PALM: variants seen among roughly 807,000 people sequenced by gnomAD.
PALM encodes paralemmin-1.
In PALM, 18 loss-of-function variants were observed where a neutral mutation model predicts 30.7. That is an observed-to-expected ratio of 0.59 (90% CI 0.41 to 0.87). The LOEUF (loss-of-function observed/expected upper bound fraction) is 0.87. PALM is among the 40% of genes least tolerant of loss of function. PALM has a pLI of 0.00. For synonymous variants in PALM, 286 were observed against 242.8 expected, an observed-to-expected ratio of 1.18 and a Z score of -1.66; for missense variants, 529 against 555.4, an observed-to-expected ratio of 0.95 and a Z score of 0.48.
intron 8 of PALM, among the ~76,000 whole-genome samples, chr19:744,325 G>A (rs1017064460): frequency 2.1e-4 from 32 of 151,278 alleles, no homozygotes; most frequent in Non-Finnish European, 3.1e-4. Flanking sequence ...GCGTGAACCC[G>A]GGAAGCAGAG....
chr19:734,360 G>T, intron 6 of PALM, 166 bp downstream of exon 6: 2 of 620,950 alleles, frequency 3.2e-6, no homozygotes, highest in Middle Eastern at 3.1e-4. Flanking sequence ...AGGAGTTCGA[G>T]ACCAGCCTGA....
intron 1 of PALM, among the ~76,000 whole-genome samples, chr19:711,759 AAT>A (rs2032087462): frequency 6.6e-6 from 1 of 152,154 alleles, no homozygotes; most frequent in Admixed American, 6.6e-5. Context: ...GAAGGCAAGG[AAT>A]AGACAGATAC....
At chr19:734,520 A>C (rs113161914) in intron 6 of PALM, 4,029 of 350,578 alleles carry the variant, frequency 0.011, 152 homozygotes, top group African/African-American at 0.078. Context: ...GCTGGGCAAC[A>C]CAGGGAGACC....
chr19:720,298 C>T (rs1295675856), intron 1 of PALM, among the ~76,000 whole-genome samples: 1 of 151,100 alleles, frequency 6.6e-6, no homozygotes, highest in Non-Finnish European at 1.5e-5. Context: ...ATCACCGGGG[C>T]GGCGGCGCCC....
At chr19:711,541 T>C (rs2144838821) in intron 1 of PALM, among the ~76,000 whole-genome samples, 1 of 152,326 alleles carries the variant, frequency 6.6e-6, no homozygotes, top group South Asian at 2.1e-4. Flanking sequence ...TAATCCCCCT[T>C]TTTAATGAGA....
At chr19:718,929 A>C (rs1225798397) in intron 1 of PALM, 1 of 159,172 alleles carries the variant, frequency 6.3e-6, no homozygotes, top group Non-Finnish European at 1.3e-5. Context: ...ACAGGCTCTG[A>C]GGACCGAGGA....
intron 1 of PALM, among the ~76,000 whole-genome samples, chr19:716,579 C>G (rs573645752): frequency 6.6e-6 from 1 of 152,054 alleles, no homozygotes; most frequent in East Asian, 1.9e-4. Flanking sequence ...CCCTGAAGGC[C>G]GGGGAGGGAC....
Position 740,502 on chromosome 19 carries a change from C to T in PALM, c.634+19C>T. ...ACCAAAGGTACGAGCACCCCGGCCC[C>T]TGCCCTCCCTCCACCTGGGCCAGAG... On this transcript the variant is annotated intron_variant, in intron 8 of 8. Transcript: ENST00000338448. 1 of 1,544,278 alleles carries T rather than the reference C, an allele frequency of 6.5e-7. No individual in the cohort carries two copies. Among genetic ancestry groups the T allele is most frequent in the Non-Finnish European group, 8.8e-7 (1 of 1,142,458 alleles).
intron 7 of PALM, among the ~76,000 whole-genome samples, chr19:736,706 G>C (rs760971769): frequency 1.3e-5 from 2 of 152,196 alleles, no homozygotes; most frequent in African/African-American, 4.8e-5. Flanking sequence ...ATGAGAAATC[G>C]TCGCAGTGGG....
intron 1 of PALM, among the ~76,000 whole-genome samples, chr19:721,316 A>G (rs1599142247): frequency 6.6e-6 from 1 of 152,140 alleles, no homozygotes; most frequent in Non-Finnish European, 1.5e-5. Flanking sequence ...CCCAGGCTAG[A>G]GTGCGGTGGC....
At chr19:737,456 G>A (rs1455824166) in intron 7 of PALM, among the ~76,000 whole-genome samples, 2 of 152,218 alleles carry the variant, frequency 1.3e-5, no homozygotes, top group Non-Finnish European at 2.9e-5. Flanking sequence ...GCCAGGCATT[G>A]GGGGAGAGGG....
At position 740,431 on chromosome 19, in the gene PALM, C is replaced by T; in HGVS notation, c.582C>T (p.Leu194=). The T allele has an allele frequency of 6.4e-7, 1 of 1,553,024 alleles. No individual in the cohort carries two copies. The highest frequency in any genetic ancestry group is 8.7e-7 in the Non-Finnish European group (1 of 1,147,966). Residue 194 remains leucine, a synonymous_variant, in exon 8 of 9, where the codon CTC becomes CTT. Transcript: ENST00000338448. The stretch of plus-strand genomic sequence containing the variant: ...GGGTGCTGTCCAGCACCACGCTGCT[C>T]CCTCGGCAGCCGCTCCCTCTGGGCA... ...ETRVLSSTTL[L]PRQPLPLGIK...
intron 7 of PALM, among the ~76,000 whole-genome samples, chr19:737,068 G>A (rs1303713225): frequency 6.6e-6 from 1 of 152,226 alleles, no homozygotes; most frequent in Non-Finnish European, 1.5e-5. Flanking sequence ...AAGGCAGCAA[G>A]GCAGGGAGGT....
At chr19:727,754 C>T (rs67650419) in intron 4 of PALM, 60 bp downstream of exon 4, 115,446 of 1,463,402 alleles carry the variant, frequency 0.079, 5,096 homozygotes, top group African/African-American at 0.16. Context: ...CGCTGGCTCC[C>T]GGGAGGGTGT....
chr19:745,676 C>T (rs1335439570), intron 8 of PALM, among the ~76,000 whole-genome samples: 1 of 131,202 alleles, frequency 7.6e-6, no homozygotes, highest in African/African-American at 3.0e-5. Flanking sequence ...GCCTGGGCAG[C>T]TCCATCTCAG....
chr19:724,298 C>T (rs146975319), intron 1 of PALM, among the ~76,000 whole-genome samples: 14 of 152,144 alleles, frequency 9.2e-5, no homozygotes, highest in African/African-American at 3.1e-4. Flanking sequence ...TATCCGGCAA[C>T]AGTGGTATTC....
chr19:726,394 G>A (rs778483992), intron 2 of PALM, among the ~76,000 whole-genome samples: 12 of 152,180 alleles, frequency 7.9e-5, no homozygotes, highest in South Asian at 2.1e-4. Flanking sequence ...CCCCGGCCTC[G>A]CTCTGCCTGA....
In PALM at chr19:746,191, G is replaced by T. The variant is rs944575221; in HGVS notation, c.635-94G>T. ...CTCTTTAGCCTGGAGGAGGATACAA[G>T]CCTTGCCAAGGTTTCCCTCCTGCCT... is the stretch of plus-strand genomic sequence containing the variant. On this transcript the variant is annotated intron_variant, in intron 8 of 8. Coordinates refer to ENST00000338448, the MANE Select transcript of PALM (RefSeq NM_002579.3). This position sits in a 1 kb window ranked among gnomAD's most constrained non-coding sequence, Gnocchi z 7.1. The T allele has an allele frequency of 3.3e-6, 3 of 908,458 alleles. No homozygotes were observed. Among genetic ancestry groups the T allele is most frequent in the Admixed American group, 2.1e-5 (1 of 47,186 alleles). 56.3% of individuals were successfully genotyped at this position (908,458 alleles called of 1,614,324 possible).
chr19:723,649 C>CG (rs3831624), intron 1 of PALM, among the ~76,000 whole-genome samples: 116,086 of 152,018 alleles, frequency 0.76, 44,495 homozygotes, highest in Admixed American at 0.84. Context: ...TGGAGTGCAG[C>CG]GCGTGATCTC....
Sources: gnomAD v4.1 joint callset for allele counts (sites outside exome capture counted in the v4.1 genomes callset) on GRCh38, gnomAD v4.1.1 for gene constraint, Gnocchi (gnomAD v3.1) non-coding constraint, MANE v1.5 for transcripts, NCBI Gene and HGNC (gene_info 2026-07-23, HGNC 2026-07-21) for gene names.